Variants in KCNK16 observed in about 807,000 individuals in gnomAD.
KCNK16 encodes the protein potassium two pore domain channel subfamily K member 16.
In KCNK16, 23 loss-of-function variants were observed where a neutral mutation model predicts 23.0. The ratio of observed to expected loss-of-function variants is 1.00; its 90% CI spans 0.72 to 1.41. KCNK16 has a LOEUF of 1.41. Among genes scored for constraint, KCNK16 ranks in the 40% most tolerant of loss-of-function variants. The pLI, the probability that KCNK16 is intolerant of heterozygous loss-of-function variation, is 0.00. For missense variants in KCNK16, 327 were observed against 365.8 expected (o/e 0.89, Z 0.87); for synonymous variants, 145 against 153.5 (o/e 0.94, Z 0.41).
rs1451930827 is a variant in KCNK16 at position 39,317,852 on chromosome 6, C to T, written c.429G>A (p.Leu143=). 6.8e-6 allele frequency: 11 copies of T among 1,613,662 alleles called. No individual in the cohort carries two copies. Among genetic ancestry groups the T allele is most frequent in the Non-Finnish European group, 9.3e-6 (11 of 1,179,828 alleles). ...CCAGATGGGCACGCAGCCCTGTGCC[C>T]AGGTGGTTGAGGAAGATCACGTTAA... is the stretch of plus-strand genomic sequence containing the variant. ...IPLNVIFLNH[L]GTGLRAHLAA... is the part of the protein sequence containing the mutation. Residue 143 remains leucine (L), a synonymous_variant, in exon 3 of 5, where the codon CTG becomes CTA. Transcript: ENST00000437525.
downstream of KCNK16, chr6:39,315,015 C>T: frequency 1.2e-6 from 2 of 1,604,782 alleles, no homozygotes; most frequent in Admixed American, 1.7e-5. Context: ...GCTTCCCAGT[C>T]CTTTCTTGGA....
intron 2 of KCNK16, among the ~76,000 whole-genome samples, chr6:39,318,811 A>C (rs1293072415): frequency 6.6e-6 from 1 of 152,206 alleles, no homozygotes; most frequent in African/African-American, 2.4e-5. Flanking sequence ...CCCAAGGAGA[A>C]GTGAGCTCAG....
At position 39,322,340 on chromosome 6, in the gene KCNK16, C is replaced by T; in HGVS notation, c.201G>A (p.Glu67=). ...CGCTCCCCTTCACCTGCACAAACTG[C>T]TCCATGGCCCACTGGTCCAGGCAGG... ...NYTCLDQWAM[E]QFVQVIMEAW... Residue 67 remains glutamate (E), a synonymous_variant, in exon 1 of 5, where the codon GAG becomes GAA. Transcript: ENST00000437525. The T allele has an allele frequency of 6.2e-7, 1 of 1,613,426 alleles. No individual in the cohort carries two copies. Among genetic ancestry groups the T allele is most frequent in the South Asian group, 1.1e-5 (1 of 91,070 alleles).
intron 1 of KCNK16, among the ~76,000 whole-genome samples, chr6:39,322,096 G>A (rs1358781823): frequency 6.6e-6 from 1 of 152,184 alleles, no homozygotes; most frequent in African/African-American, 2.4e-5. Context: ...TATAGATGAG[G>A]CTGTTTGGGT....
rs1005921885 is a variant in KCNK16 at position 39,317,829 on chromosome 6, A to G, written c.452T>C (p.Leu151Pro). 2.5e-5 allele frequency: 41 copies of G among 1,611,804 alleles called. No individual in the cohort carries two copies. The highest frequency in any genetic ancestry group is 3.4e-5 in the Non-Finnish European group (40 of 1,179,142). The change falls in exon 3 of 5, where the codon CTG becomes CCG. Residue 151 changes from leucine (L) to proline (P), a missense_variant. Coordinates refer to ENST00000437525, the MANE Select transcript of KCNK16 (RefSeq NM_001135106.2). ...NHLGTGLRAHLAAIERWEDRP... is the reference protein window; with the variant it reads ...NHLGTGLRAHPAAIERWEDRP... ...GTCCTCCCATCTTTCAATGGCGGCC[A>G]GATGGGCACGCAGCCCTGTGCCCAG...
At position 39,322,572 on chromosome 6, in the gene KCNK16, G is replaced by A; in HGVS notation, c.-32C>T. Reference sequence around the variant, plus strand: ...GCCAGGACCCTGCCAGGGCCGTGGGGCTGGCTATGGGGGAGAGGTGGGAAA... The same window carrying A: ...GCCAGGACCCTGCCAGGGCCGTGGGACTGGCTATGGGGGAGAGGTGGGAAA... On this transcript the variant is annotated 5_prime_UTR_variant, in exon 1 of 5. Coordinates refer to ENST00000437525, the MANE Select transcript of KCNK16 (RefSeq NM_001135106.2). The A allele has an allele frequency of 6.4e-7, 1 of 1,552,868 alleles. No individual in the cohort carries two copies. Among genetic ancestry groups the A allele is most frequent in the Non-Finnish European group, 8.7e-7 (1 of 1,154,032 alleles).
chr6:39,319,155 G>A lies in KCNK16; in HGVS notation c.214-22C>T, dbSNP rs777897843. On this transcript the variant is annotated intron_variant, in intron 1 of 4. Coordinates refer to ENST00000437525, the MANE Select transcript of KCNK16 (RefSeq NM_001135106.2). This position sits in a 1 kb window ranked among gnomAD's most constrained non-coding sequence, Gnocchi z 4.2. ...TGACCTGTAGGGGGTGGCATGGCAGGGGAGGAAGAAGGAGCTGATGGTTAC... is the reference window on the plus strand; with the variant it reads ...TGACCTGTAGGGGGTGGCATGGCAGAGGAGGAAGAAGGAGCTGATGGTTAC... 35 of 1,484,116 alleles carry A rather than the reference G, an allele frequency of 2.4e-5. No individual in the cohort carries two copies. In the Admixed American group the frequency reaches 5.2e-4, roughly 22 times the overall value. 91.9% of individuals were successfully genotyped at this position (1,484,116 alleles called of 1,614,324 possible).
intron 4 of KCNK16, 65 bp from the exon 5 acceptor site, chr6:39,316,507 A>AG: frequency 6.6e-7 from 1 of 1,512,790 alleles, no homozygotes; most frequent in Non-Finnish European, 8.9e-7. Context: ...CAGTTTCCAT[A>AG]GGGACCCTCA....
Position 39,316,921 on chromosome 6 carries a change from C to T in KCNK16, c.522G>A (p.Leu174=), listed in dbSNP as rs771296216. Residue 174 remains leucine, a synonymous_variant, in exon 4 of 5, where the codon CTG becomes CTA. Coordinates refer to ENST00000437525, the MANE Select transcript of KCNK16 (RefSeq NM_001135106.2). ...TGACCAGCGTCCCCAGGGTCAGGAA[C>T]AGAGCCAGGCCCAGGACTTGCAGTA... ...SQVLQVLGLA[L]FLTLGTLVIL... The T allele has an allele frequency of 4.3e-6, 7 of 1,613,628 alleles. No individual in the cohort carries two copies. In the South Asian group the frequency reaches 7.7e-5, roughly 18 times the overall value.
At position 39,322,309 on chromosome 6, in the gene KCNK16, C is replaced by G. The variant is rs764139296; in HGVS notation, c.213+19G>C. On this transcript the variant is annotated intron_variant, in intron 1 of 4. Coordinates refer to ENST00000437525, the MANE Select transcript of KCNK16 (RefSeq NM_001135106.2). ...CTTCCCAAGCCTCTCCATCCCAATC[C>G]CACATCGCTCCCCTTCACCTGCACA... 1 of 1,603,842 alleles carries G rather than the reference C, an allele frequency of 6.2e-7. No homozygotes were observed. The highest frequency in any genetic ancestry group is 8.5e-7 in the Non-Finnish European group (1 of 1,171,792).
downstream of KCNK16, chr6:39,316,083 T>C: frequency 7.8e-7 from 1 of 1,285,256 alleles, no homozygotes; most frequent in Non-Finnish European, 1.0e-6. Context: ...CTTTCTCTCT[T>C]GGGAGAGCTC....
chr6:39,314,612 G>A (rs1477189197), downstream of KCNK16: 1 of 430,380 alleles, frequency 2.3e-6, no homozygotes, highest in Non-Finnish European at 4.1e-6. Context: ...CTGGGTGACC[G>A]CAGGCGCTGA....
chr6:39,318,305 G>T (rs1762401066), intron 2 of KCNK16, among the ~76,000 whole-genome samples: 1 of 152,148 alleles, frequency 6.6e-6, no homozygotes, highest in African/African-American at 2.4e-5. Flanking sequence ...TGGACTGGAA[G>T]TTCCTTGCAG....
At chr6:39,316,602 C>G (rs113213779) in intron 4 of KCNK16, among the ~76,000 whole-genome samples, 160 bp from the exon 5 acceptor site, 1 of 152,132 alleles carries the variant, frequency 6.6e-6, no homozygotes, top group Non-Finnish European at 1.5e-5. Context: ...GGGTCCTAGA[C>G]CAGAAACTTC....
intron 2 of KCNK16, 100 bp from the exon 3 acceptor site, chr6:39,318,052 G>A: frequency 1.7e-6 from 2 of 1,158,924 alleles, no homozygotes; most frequent in Middle Eastern, 2.5e-4. Flanking sequence ...ACCACCTCTG[G>A]GGGTGAGAAG....
rs1762431798 is a variant in KCNK16, at chr6:39,319,319, A to C, written c.214-186T>G. 6.6e-6 allele frequency among the ~76,000 whole-genome samples: 1 copy of C among 152,178 alleles called. No individual in the cohort carries two copies. Among genetic ancestry groups the C allele is most frequent in the South Asian group, 2.1e-4 (1 of 4,822 alleles). On this transcript the variant is annotated intron_variant, in intron 1 of 4. Transcript: ENST00000437525. The surrounding 1 kb of genome is among the most constrained non-coding windows in gnomAD (Gnocchi z 4.2). ...GTGGCTAAGTGACCTGTGCAAGGTG[A>C]CTGGACTCCAACTCCAGTGTCTGTT... is the stretch of plus-strand genomic sequence containing the variant.
chr6:39,318,944 C>T, intron 2 of KCNK16, 75 bp downstream of exon 2: 1 of 1,000,046 alleles, frequency 1.0e-6, no homozygotes, highest in Non-Finnish European at 1.6e-6. Flanking sequence ...ACATCCTTGT[C>T]TCAGCATCTG....
At position 39,316,340 on chromosome 6, in the gene KCNK16, G is replaced by T. The variant is rs1382759848; in HGVS notation, c.764C>A (p.Pro255His). 2.5e-6 allele frequency: 4 copies of T among 1,612,030 alleles called. No individual in the cohort carries two copies. Among genetic ancestry groups the T allele is most frequent in the Non-Finnish European group, 2.5e-6 (3 of 1,179,398 alleles). ...AWLALILPLG[P>H]LLLHRCCQLW... ...CTGGCAGCATCTGTGCAGAAGCAGG[G>T]GGCCCAGTGGGAGGATCAGCGCCAG... is the stretch of plus-strand genomic sequence containing the variant. The change falls in exon 5 of 5, where the codon CCC becomes CAC. Residue 255 changes from proline (P) to histidine (H), a missense_variant. By Grantham distance (77) the Pro-to-His change is moderately conservative. Coordinates refer to ENST00000437525, the MANE Select transcript of KCNK16 (RefSeq NM_001135106.2).
chr6:39,315,419 T>C, downstream of KCNK16: 1 of 1,550,490 alleles, frequency 6.4e-7, no homozygotes, highest in Non-Finnish European at 8.7e-7. Context: ...AGTGATGAAG[T>C]TAAGGGGGTG....
Sources: allele counts gnomAD v4.1 joint callset (sites outside exome capture counted in the v4.1 genomes callset), GRCh38; gene constraint gnomAD v4.1.1; non-coding constraint Gnocchi (gnomAD v3.1); transcripts MANE v1.5; gene names NCBI Gene and HGNC (gene_info 2026-07-23, HGNC 2026-07-21).